CSMD1: variants seen among roughly 807,000 people sequenced by gnomAD.
CSMD1 encodes the protein CUB and sushi domain-containing protein 1.
CSMD1 carries 213 observed loss-of-function variants against 417.5 expected under a neutral mutation model. The observed-to-expected ratio is 0.51, with a 90% CI of 0.46 to 0.57. CSMD1 has a LOEUF of 0.57. Among genes scored for constraint, CSMD1 ranks in the 20% least tolerant of loss-of-function variants. The probability of loss-of-function intolerance (pLI) is 0.00; values close to 1 mark genes in which losing one functional copy is unlikely to be tolerated. For missense variants in CSMD1, 6,923 were observed against 4,529.7 expected, an observed-to-expected ratio of 1.53 and a Z score of -15.17; for synonymous variants, 2,862 against 1,736.8, an observed-to-expected ratio of 1.65 and a Z score of -16.11.
chr8:4,892,802 A>G (rs1478287594), intron 1 of CSMD1, among the ~76,000 whole-genome samples: 2 of 152,090 alleles, frequency 1.3e-5, no homozygotes, highest in Non-Finnish European at 2.9e-5. Flanking sequence ...TACCTTGTAG[A>G]TGGGAACTTC....
At chr8:4,522,334 C>G (rs62479742) in intron 2 of CSMD1, among the ~76,000 whole-genome samples, 1 of 152,098 alleles carries the variant, frequency 6.6e-6, no homozygotes, top group Non-Finnish European at 1.5e-5. Context: ...TGAGTCTAAT[C>G]AAGCCTCTTG....
rs375942448 is a variant in CSMD1 at position 4,033,010 on chromosome 8, G to A, written c.416-911C>T. Among the ~76,000 whole-genome samples, 10 of 151,576 alleles carry A rather than the reference G, an allele frequency of 6.6e-5. No individual in the cohort carries two copies. The East Asian group carries it at 1.4e-3, about 21-fold the overall frequency. Reference sequence around the variant, plus strand: ...GTTTGCGGAAGCCTGCTACCTGGAGGCTTTGTATGCATGATAAAAACATTG... The same window carrying A: ...GTTTGCGGAAGCCTGCTACCTGGAGACTTTGTATGCATGATAAAAACATTG... On this transcript the variant is annotated intron_variant, in intron 3 of 69. Transcript: ENST00000635120.
chr8:3,966,093 C>T (rs574098351), intron 5 of CSMD1, among the ~76,000 whole-genome samples: 25 of 152,198 alleles, frequency 1.6e-4, no homozygotes, highest in Admixed American at 5.2e-4. Context: ...GTAGGGACTA[C>T]GAATGTACTT....
At chr8:3,967,262 A>G (rs1241641628) in intron 5 of CSMD1, among the ~76,000 whole-genome samples, 1 of 139,114 alleles carries the variant, frequency 7.2e-6, no homozygotes, top group African/African-American at 2.7e-5. Context: ...CTGCTTTTTT[A>G]ATTCTCTCTC....
intron 17 of CSMD1, among the ~76,000 whole-genome samples, chr8:3,393,686 G>T (rs1444636612): frequency 6.6e-6 from 1 of 151,890 alleles, no homozygotes; most frequent in East Asian, 1.9e-4. Flanking sequence ...CATGTCTTTT[G>T]TAGGGACATG....
intron 1 of CSMD1, among the ~76,000 whole-genome samples, chr8:4,642,380 G>C (rs1245385247): frequency 6.6e-6 from 1 of 152,258 alleles, no homozygotes; most frequent in African/African-American, 2.4e-5. Flanking sequence ...CCTCCACTCT[G>C]AACACCCCCC....
chr8:4,319,520 A>C (rs1428215771), intron 3 of CSMD1, among the ~76,000 whole-genome samples: 1 of 152,094 alleles, frequency 6.6e-6, no homozygotes. Context: ...GCAGAAAATA[A>C]ACAAACAAAC....
intron 10 of CSMD1, among the ~76,000 whole-genome samples, chr8:3,561,103 A>T (rs1241798490): frequency 3.3e-5 from 5 of 152,220 alleles, no homozygotes. Flanking sequence ...ATGCCACCTC[A>T]CACCAGTCAG....
chr8:3,718,845 G>A lies in CSMD1; in HGVS notation c.932-10354C>T, dbSNP rs369351339. ...TCAGACATAAGCAGGATTTAACTTG[G>A]AAGCAGGTGGAATTTAAAGATTGTT... On this transcript the variant is annotated intron_variant, in intron 6 of 69. Coordinates refer to ENST00000635120, the MANE Select transcript of CSMD1 (RefSeq NM_033225.6). Among the ~76,000 whole-genome samples, 7 of 152,242 alleles carry A rather than the reference G, an allele frequency of 4.6e-5. 1 individual carries two copies. Among genetic ancestry groups the A allele is most frequent in the African/African-American group, 1.7e-4 (7 of 41,548 alleles).
chr8:4,050,030 C>T (rs7814886), intron 3 of CSMD1, among the ~76,000 whole-genome samples: 5,820 of 152,156 alleles, frequency 0.038, 346 homozygotes, highest in African/African-American at 0.12. Context: ...GAAGTTGCGG[C>T]CAGATATTCT....
At chr8:4,295,205 TAA>T (rs1481956293) in intron 3 of CSMD1, among the ~76,000 whole-genome samples, 210 of 73,354 alleles carry the variant, frequency 2.9e-3, no homozygotes, top group Non-Finnish European at 4.6e-3. Flanking sequence ...CATATAATCT[TAA>T]GATTTTCTAT....
chr8:3,151,317 G>C lies in CSMD1; in HGVS notation c.6031+80C>G, dbSNP rs1412588927. ...AGATACAGTTATGCCAACAGAATAA[G>C]GCATTTTATTCTGCTTAATTCTTTC... On this transcript the variant is annotated intron_variant, in intron 40 of 69. Transcript: ENST00000635120. The C allele has an allele frequency of 1.4e-5, 12 of 839,772 alleles. No homozygotes were observed. The East Asian group carries it at 3.2e-4, about 22-fold the overall frequency. The allele number at this position is 839,772 out of a possible 1,614,324, so 52.0% of individuals were successfully genotyped here.
chr8:4,291,962 A>C (rs1797392413), intron 3 of CSMD1, among the ~76,000 whole-genome samples: 1 of 152,146 alleles, frequency 6.6e-6, no homozygotes, highest in Non-Finnish European at 1.5e-5. Context: ...TGGTGTCCAG[A>C]AGGAATTTCT....
intron 10 of CSMD1, among the ~76,000 whole-genome samples, chr8:3,565,264 G>T (rs139169975): frequency 2.7e-5 from 4 of 150,606 alleles, no homozygotes; most frequent in African/African-American, 9.7e-5. Flanking sequence ...TGAACTAAGG[G>T]ATCTGTCAAA....
intron 3 of CSMD1, among the ~76,000 whole-genome samples, chr8:4,153,241 G>C (rs1293676095): frequency 6.6e-6 from 1 of 152,190 alleles, no homozygotes; most frequent in African/African-American, 2.4e-5. Context: ...TGGAGAGTAT[G>C]CCAGAAATGA....
At chr8:3,358,046 C>G (rs11136612) in intron 21 of CSMD1, among the ~76,000 whole-genome samples, 1 of 152,014 alleles carries the variant, frequency 6.6e-6, no homozygotes, top group South Asian at 2.1e-4. Flanking sequence ...AAATCTGCCC[C>G]AAAGGCAGAA....
chr8:4,838,357 C>T (rs544548900), intron 1 of CSMD1, among the ~76,000 whole-genome samples: 2 of 152,114 alleles, frequency 1.3e-5, no homozygotes, highest in Admixed American at 6.5e-5. Context: ...AAAGACTATG[C>T]AATCAATTAT....
intron 40 of CSMD1, among the ~76,000 whole-genome samples, chr8:3,148,636 A>G (rs914078284): frequency 6.6e-6 from 1 of 152,226 alleles, no homozygotes; most frequent in Admixed American, 6.5e-5. Flanking sequence ...ATTTACTTAA[A>G]TGTTTTTCAC....
chr8:3,757,844 C>T (rs1797745282), intron 5 of CSMD1, among the ~76,000 whole-genome samples: 2 of 121,568 alleles, frequency 1.6e-5, no homozygotes, highest in Admixed American at 1.8e-4. Context: ...AGCGAGACTT[C>T]ATCTCAAAAA....
Sources: gnomAD v4.1 joint callset for allele counts (sites outside exome capture counted in the v4.1 genomes callset) on GRCh38, gnomAD v4.1.1 for gene constraint, MANE v1.5 for transcripts, NCBI Gene and HGNC (gene_info 2026-07-23, HGNC 2026-07-21) for gene names.